Variants in TRPM3 observed in about 807,000 individuals in gnomAD.
TRPM3 encodes transient receptor potential cation channel subfamily M member 3.
A neutral mutation model predicts 181.2 loss-of-function variants in TRPM3; 77 were observed. That is an observed-to-expected ratio of 0.42 (90% CI 0.35 to 0.51). The LOEUF (loss-of-function observed/expected upper bound fraction) is 0.51. TRPM3 is among the 20% of genes least tolerant of loss of function. The pLI is 0.01. For synonymous variants in TRPM3, 745 were observed against 796.4 expected (o/e 0.94, Z 1.09); for missense variants, 1,759 against 2,196.7 (o/e 0.80, Z 3.98).
At chr9:70,892,715 T>G (rs1347148039) in intron 1 of TRPM3, among the ~76,000 whole-genome samples, 1 of 152,024 alleles carries the variant, frequency 6.6e-6, no homozygotes, top group East Asian at 1.9e-4. Context: ...TGCATGTAGC[T>G]CAAGAGTTTT....
chr9:71,287,959 G>T (rs182455130), intron 1 of TRPM3, among the ~76,000 whole-genome samples: 4 of 152,166 alleles, frequency 2.6e-5, no homozygotes, highest in Admixed American at 2.6e-4. Flanking sequence ...AGGTACCAAT[G>T]AGCCTGAACT....
intron 1 of TRPM3, among the ~76,000 whole-genome samples, chr9:71,193,353 CTGT>C (rs1249387493): frequency 1.3e-5 from 2 of 151,782 alleles, no homozygotes; most frequent in South Asian, 2.1e-4. Flanking sequence ...GTATTTGACC[CTGT>C]TGTTCATCCT....
intron 1 of TRPM3, 25 bp from the exon 2 acceptor site, chr9:70,864,536 A>AAG (rs1564632639): frequency 4.8e-6 from 7 of 1,455,838 alleles, no homozygotes; most frequent in Non-Finnish European, 6.3e-6. Context: ...AAAAAAAAAA[A>AAG]AAAAAGAAAA....
Position 70,929,350 on chromosome 9 carries a change from C to A in TRPM3, c.178-64839G>T, listed in dbSNP as rs144489480. Among the ~76,000 whole-genome samples, 348 of 151,920 alleles carry A rather than the reference C, an allele frequency of 2.3e-3. 2 individuals are homozygous for A. The highest frequency in any genetic ancestry group is 4.2e-3 in the Non-Finnish European group (283 of 67,934). On this transcript the variant is annotated intron_variant, in intron 1 of 25. Transcript: ENST00000677713. ...TCGAGTAGCTGGGATCACAGGTGCC[C>A]GCCACCATGCCCAGCTGATTTTTAT...
At chr9:70,572,312 C>A (rs532235111) in intron 22 of TRPM3, among the ~76,000 whole-genome samples, 2 of 152,276 alleles carry the variant, frequency 1.3e-5, no homozygotes, top group East Asian at 3.9e-4. Context: ...TCTGTATATT[C>A]TTTACCCAGT....
At chr9:70,995,492 G>A (rs1011000290) in intron 1 of TRPM3, among the ~76,000 whole-genome samples, 7 of 151,336 alleles carry the variant, frequency 4.6e-5, no homozygotes, top group Non-Finnish European at 8.8e-5. Flanking sequence ...TTTTAACTGC[G>A]TTATGTTTTG....
intron 1 of TRPM3, among the ~76,000 whole-genome samples, chr9:71,427,634 T>C (rs2093887641): frequency 1.3e-5 from 2 of 152,208 alleles, no homozygotes; most frequent in Non-Finnish European, 2.9e-5. Flanking sequence ...GTGGAGGCCA[T>C]TATCGTATGC....
At chr9:71,115,757 T>TTTTCA (rs377175081) in intron 1 of TRPM3, among the ~76,000 whole-genome samples, 16 of 152,118 alleles carry the variant, frequency 1.1e-4, no homozygotes, top group African/African-American at 3.6e-4. Context: ...TGACCACACA[T>TTTTCA]TTTCATTCTT....
In TRPM3 at chr9:71,159,821, G is replaced by A. The variant is rs373722057; in HGVS notation, c.183+286832C>T. On this transcript the variant is annotated intron_variant, in intron 1 of 24. Coordinates refer to the TRPM3 transcript ENST00000357533. ...AAATTTTAAATCATGTGGAGATTAT[G>A]TTGACTCTGTCTGCTGAGATGTGAG... 6.6e-5 allele frequency among the ~76,000 whole-genome samples: 10 copies of A among 152,124 alleles called. No homozygotes were observed. In the East Asian group the frequency reaches 1.2e-3, roughly 18 times the overall value.
intron 9 of TRPM3, among the ~76,000 whole-genome samples, chr9:70,676,516 A>G (rs1290784235): frequency 6.6e-6 from 1 of 152,168 alleles, no homozygotes; most frequent in Non-Finnish European, 1.5e-5. Flanking sequence ...ACTGATAAAC[A>G]CCAAAGAGTT....
chr9:71,318,804 T>C (rs1459173708), intron 1 of TRPM3, among the ~76,000 whole-genome samples: 1 of 152,132 alleles, frequency 6.6e-6, no homozygotes, highest in Non-Finnish European at 1.5e-5. Context: ...TTTATGTATT[T>C]ACAGTGTACA....
At chr9:70,815,263 C>T (rs1169854145) in intron 6 of TRPM3, among the ~76,000 whole-genome samples, 1 of 152,064 alleles carries the variant, frequency 6.6e-6, no homozygotes, top group East Asian at 1.9e-4. Context: ...GAATATTTCA[C>T]TATATATTGA....
chr9:71,010,397 C>A (rs901333950), intron 1 of TRPM3, among the ~76,000 whole-genome samples: 2 of 151,544 alleles, frequency 1.3e-5, no homozygotes, highest in Admixed American at 6.6e-5. Context: ...AACAAACAAA[C>A]AAAAAAACAA....
intron 2 of TRPM3, 116 bp from the exon 3 acceptor site, chr9:70,863,228 A>C: frequency 1.2e-6 from 1 of 807,144 alleles, no homozygotes; most frequent in Non-Finnish European, 1.9e-6. Context: ...GTCAATTCTC[A>C]GGAAGAATTC....
At chr9:70,752,049 T>TGTGTGTGTGCGC (rs1273744922) in intron 8 of TRPM3, among the ~76,000 whole-genome samples, 1 of 116,430 alleles carries the variant, frequency 8.6e-6, no homozygotes, top group South Asian at 2.9e-4. Flanking sequence ...TGTGTGTGTG[T>TGTGTGTGTGCGC]GCGCGCGCGC....
At chr9:71,338,307 T>C (rs1198407893) in intron 1 of TRPM3, among the ~76,000 whole-genome samples, 2 of 152,132 alleles carry the variant, frequency 1.3e-5, no homozygotes, top group Non-Finnish European at 2.9e-5. Flanking sequence ...GCCAAGATGA[T>C]CTGCCAGTAA....
chr9:71,271,156 C>A (rs2083759021), intron 1 of TRPM3, among the ~76,000 whole-genome samples: 1 of 152,216 alleles, frequency 6.6e-6, no homozygotes, highest in Non-Finnish European at 1.5e-5. Flanking sequence ...TATACCTTCT[C>A]ATATAGAGCT....
At chr9:71,250,734 C>T (rs1588135940) in intron 1 of TRPM3, among the ~76,000 whole-genome samples, 3 of 152,162 alleles carry the variant, frequency 2.0e-5, no homozygotes, top group East Asian at 3.9e-4. Flanking sequence ...GGGCAGGGGG[C>T]AGGAGCCAGA....
At chr9:71,112,893 TAGG>T in intron 1 of TRPM3, among the ~76,000 whole-genome samples, 1 of 152,236 alleles carries the variant, frequency 6.6e-6, no homozygotes, top group African/African-American at 2.4e-5. Flanking sequence ...CAGGGTTAGC[TAGG>T]AGAAGGTCTG....
Sources: gnomAD v4.1 joint callset for allele counts (sites outside exome capture counted in the v4.1 genomes callset) on GRCh38, gnomAD v4.1.1 for gene constraint, MANE v1.5 for transcripts, NCBI Gene and HGNC (gene_info 2026-07-23, HGNC 2026-07-21) for gene names.